Variants in SLC9A9 observed in about 807,000 individuals in gnomAD.
The protein encoded by SLC9A9 is sodium/hydrogen exchanger 9.
Under a neutral mutation model 77.8 loss-of-function variants are expected in SLC9A9, and 62 were observed. The ratio of observed to expected loss-of-function variants is 0.80; its 90% CI spans 0.65 to 0.98. The LOEUF (loss-of-function observed/expected upper bound fraction) is 0.98. Among genes scored for constraint, SLC9A9 ranks in the 50% least tolerant of loss-of-function variants. The pLI, the probability that SLC9A9 is intolerant of heterozygous loss-of-function variation, is 0.00. For synonymous variants in SLC9A9, 320 were observed against 283.5 expected (o/e 1.13, Z -1.29); for missense variants, 775 against 774.9 (o/e 1.00, Z 0.00).
chr3:143,342,688 C>T (rs1022553123), intron 14 of SLC9A9, among the ~76,000 whole-genome samples: 1 of 152,130 alleles, frequency 6.6e-6, no homozygotes, highest in African/African-American at 2.4e-5. Context: ...TAGACACAAA[C>T]CACTGTGGGC....
Position 143,579,422 on chromosome 3 carries a change from T to C in SLC9A9, c.756-699A>G, listed in dbSNP as rs546744986. Among the ~76,000 whole-genome samples the C allele has an allele frequency of 1.3e-4, 20 of 152,324 alleles. No homozygotes were observed. In the East Asian group the frequency reaches 3.7e-3, roughly 28 times the overall value. ...ATCCACCAATAGGCAGTCTGTTCAC[T>C]TAAATATTATTGAGGATGTCATATA... On this transcript the variant is annotated intron_variant, in intron 6 of 15. Coordinates refer to ENST00000316549, the MANE Select transcript of SLC9A9 (RefSeq NM_173653.4).
intron 2 of SLC9A9, among the ~76,000 whole-genome samples, chr3:143,824,672 A>T (rs2009254124): frequency 6.6e-6 from 1 of 152,238 alleles, no homozygotes; most frequent in Non-Finnish European, 1.5e-5. Context: ...ATGCCTGGCA[A>T]GTGGCAAGTG....
chr3:143,724,655 A>G (rs907498716), intron 4 of SLC9A9, among the ~76,000 whole-genome samples: 22 of 152,240 alleles, frequency 1.4e-4, no homozygotes, highest in African/African-American at 5.1e-4. Flanking sequence ...AGCTCCTTCA[A>G]ATTATTTCAA....
At chr3:143,700,335 A>C (rs1933760642) in intron 4 of SLC9A9, among the ~76,000 whole-genome samples, 1 of 151,986 alleles carries the variant, frequency 6.6e-6, no homozygotes, top group African/African-American at 2.4e-5. Flanking sequence ...TTTGACTTGC[A>C]CCTCAGGTAT....
intron 5 of SLC9A9, among the ~76,000 whole-genome samples, chr3:143,686,652 T>C (rs1933275705): frequency 6.6e-6 from 1 of 152,154 alleles, no homozygotes; most frequent in South Asian, 2.1e-4. Context: ...TTTATCCACC[T>C]ACCCGATATG....
intron 6 of SLC9A9, among the ~76,000 whole-genome samples, chr3:143,608,317 C>T (rs1031390511): frequency 1.3e-5 from 2 of 152,170 alleles, no homozygotes; most frequent in African/African-American, 4.8e-5. Flanking sequence ...AAATAATATG[C>T]AGTGAACATC....
At chr3:143,526,717 C>T (rs139917578) in intron 9 of SLC9A9, among the ~76,000 whole-genome samples, 188 of 152,144 alleles carry the variant, frequency 1.2e-3, no homozygotes, top group African/African-American at 4.2e-3. Context: ...TTCTTGAAGC[C>T]GATTCAAAAA....
rs192779295 is a variant in SLC9A9, at chr3:143,360,399, A to G, written c.1604+3085T>C. 1.1e-3 allele frequency among the ~76,000 whole-genome samples: 175 copies of G among 152,314 alleles called. 1 individual carries two copies. The highest frequency in any genetic ancestry group is 4.1e-3 in the African/African-American group (171 of 41,572). ...CGTTGAATCATAATGAACCTTAATTAATCATCAGTTTTGGCATCATAGGCT... is the reference window on the plus strand; with the variant it reads ...CGTTGAATCATAATGAACCTTAATTGATCATCAGTTTTGGCATCATAGGCT... On this transcript the variant is annotated intron_variant, in intron 14 of 15. Coordinates refer to ENST00000316549, the MANE Select transcript of SLC9A9 (RefSeq NM_173653.4).
chr3:143,704,697 A>AT (rs35256337), intron 4 of SLC9A9, among the ~76,000 whole-genome samples: 80,968 of 151,744 alleles, frequency 0.53, 22,004 homozygotes, highest in Non-Finnish European at 0.57. Context: ...AGACAAATGG[A>AT]TTAAAAAAAA....
intron 14 of SLC9A9, among the ~76,000 whole-genome samples, chr3:143,269,342 G>C (rs911203882): frequency 6.6e-6 from 1 of 152,134 alleles, no homozygotes; most frequent in Non-Finnish European, 1.5e-5. Context: ...CTGTACACAC[G>C]CGTAGCTTAA....
intron 5 of SLC9A9, among the ~76,000 whole-genome samples, chr3:143,684,701 A>G (rs1210389607): frequency 6.6e-6 from 1 of 152,118 alleles, no homozygotes; most frequent in African/African-American, 2.4e-5. Context: ...ACTGTCCCCA[A>G]GTCAGAGGCT....
At chr3:143,837,388 G>A (rs2009592991) in intron 1 of SLC9A9, among the ~76,000 whole-genome samples, 1 of 152,196 alleles carries the variant, frequency 6.6e-6, no homozygotes, top group Non-Finnish European at 1.5e-5. Flanking sequence ...TAAAGCAAAT[G>A]TAGTTACCAC....
chr3:143,738,009 T>C (rs1232139100), intron 4 of SLC9A9, among the ~76,000 whole-genome samples: 1 of 152,248 alleles, frequency 6.6e-6, no homozygotes, highest in African/African-American at 2.4e-5. Flanking sequence ...ATAGTAACAT[T>C]TTATTCCATG....
intron 4 of SLC9A9, among the ~76,000 whole-genome samples, chr3:143,748,632 T>C (rs1192071307): frequency 6.6e-6 from 1 of 151,824 alleles, no homozygotes; most frequent in Non-Finnish European, 1.5e-5. Context: ...GAAAGAAGAA[T>C]GTCATCTCTT....
chr3:143,744,808 T>C (rs1226649653), intron 4 of SLC9A9, among the ~76,000 whole-genome samples: 2 of 152,194 alleles, frequency 1.3e-5, no homozygotes, highest in Non-Finnish European at 2.9e-5. Context: ...GGTATGAGCC[T>C]GGGATAGTTC....
At chr3:143,316,635 C>T (rs938565187) in intron 14 of SLC9A9, among the ~76,000 whole-genome samples, 9 of 152,048 alleles carry the variant, frequency 5.9e-5, no homozygotes, top group Non-Finnish European at 1.0e-4. Context: ...ATATCAGGCA[C>T]GTAAATATGA....
intron 4 of SLC9A9, among the ~76,000 whole-genome samples, chr3:143,714,396 T>G (rs73870423): frequency 4.0e-4 from 61 of 152,304 alleles, no homozygotes; most frequent in African/African-American, 1.4e-3. Flanking sequence ...CCTCCTCACC[T>G]TATGTGATCC....
chr3:143,474,882 C>T (rs1428116812), intron 11 of SLC9A9, among the ~76,000 whole-genome samples: 1 of 152,100 alleles, frequency 6.6e-6, no homozygotes, highest in Non-Finnish European at 1.5e-5. Flanking sequence ...TGAGTCATCC[C>T]TTGGCTGTGC....
At chr3:143,575,526 A>C (rs905031479) in intron 7 of SLC9A9, among the ~76,000 whole-genome samples, 1 of 152,132 alleles carries the variant, frequency 6.6e-6, no homozygotes, top group Admixed American at 6.5e-5. Context: ...TTTTTGGTAA[A>C]ACATCTTTTT....
Sources: gnomAD v4.1 joint callset for allele counts (sites outside exome capture counted in the v4.1 genomes callset) on GRCh38, gnomAD v4.1.1 for gene constraint, MANE v1.5 for transcripts, NCBI Gene and HGNC (gene_info 2026-07-23, HGNC 2026-07-21) for gene names.